ACSL5: variants seen among roughly 807,000 people sequenced by gnomAD.
ACSL5 encodes the protein acyl-CoA synthetase long chain family member 5, also known as long-chain-fatty-acid--CoA ligase 5.
A neutral mutation model predicts 84.9 loss-of-function variants in ACSL5; 50 were observed. The ratio of observed to expected loss-of-function variants is 0.59; its 90% confidence interval spans 0.47 to 0.75. ACSL5 has a LOEUF of 0.75. Ranked by LOEUF, ACSL5 falls within the 30% of genes least tolerant of loss-of-function variation. The probability of loss-of-function intolerance (pLI) is 0.00; values close to 1 mark genes in which losing one functional copy is unlikely to be tolerated. For missense variants in ACSL5, 775 were observed against 830.4 expected (o/e 0.93, Z 0.82); for synonymous variants, 280 against 300.7 (o/e 0.93, Z 0.71).
In ACSL5 at chr10:112,421,592, G is replaced by T; in HGVS notation, c.1315-1G>T. 1 of 1,613,922 alleles carries T rather than the reference G, an allele frequency of 6.2e-7. No homozygotes were observed. Among genetic ancestry groups the T allele is most frequent in the Non-Finnish European group, 8.5e-7 (1 of 1,179,790 alleles). ...CTAAAAGCTCTTCTTTGGTTTCCCA[G>T]GTGTATGAAGCTTATGGTCAAACAG... On this transcript the variant is annotated splice_acceptor_variant, in intron 14 of 20. Transcript: ENST00000354655. LOFTEE classifies it high-confidence loss of function.
chr10:112,389,452 AT>A (rs1289653903), intron 1 of ACSL5, among the ~76,000 whole-genome samples: 1 of 152,190 alleles, frequency 6.6e-6, no homozygotes, highest in Non-Finnish European at 1.5e-5. Context: ...GACATGGGAC[AT>A]CCTGGTGTGT....
intron 1 of ACSL5, among the ~76,000 whole-genome samples, chr10:112,390,864 A>C (rs1223370915): frequency 6.6e-6 from 1 of 152,224 alleles, no homozygotes; most frequent in Non-Finnish European, 1.5e-5. Context: ...AGAATAGATA[A>C]ATCCATAGCA....
At chr10:112,413,720 A>T (rs903083211) in intron 12 of ACSL5, among the ~76,000 whole-genome samples, 8 of 152,130 alleles carry the variant, frequency 5.3e-5, no homozygotes, top group African/African-American at 1.9e-4. Flanking sequence ...GCAAGACTCC[A>T]TCTCAAAAAA....
At chr10:112,424,298 T>G (rs1443518448) in intron 17 of ACSL5, 1 of 152,240 alleles carries the variant, frequency 6.6e-6, no homozygotes. Flanking sequence ...CTCAAAAGTT[T>G]TGTCTTAACT....
intron 17 of ACSL5, 24 bp from the exon 18 acceptor site, chr10:112,425,314 G>T: frequency 6.3e-7 from 1 of 1,584,062 alleles, no homozygotes; most frequent in South Asian, 1.2e-5. Flanking sequence ...CAAAAATACT[G>T]ATACTTTTAT....
At chr10:112,384,270 G>A (rs569683651) in intron 1 of ACSL5, among the ~76,000 whole-genome samples, 92 of 151,330 alleles carry the variant, frequency 6.1e-4, no homozygotes, top group African/African-American at 1.9e-3. Flanking sequence ...TTGTTGTTCC[G>A]TAGTCCTAAG....
chr10:112,423,703 A>T (rs1305597320), intron 17 of ACSL5, among the ~76,000 whole-genome samples: 1 of 152,162 alleles, frequency 6.6e-6, no homozygotes, highest in East Asian at 1.9e-4. Flanking sequence ...CAGAGTTGGC[A>T]TGGGTCCCCT....
chr10:112,407,101 C>A (rs1844057063), intron 5 of ACSL5, among the ~76,000 whole-genome samples: 1 of 152,226 alleles, frequency 6.6e-6, no homozygotes, highest in Non-Finnish European at 1.5e-5. Flanking sequence ...GACTTATTTA[C>A]TATCATGAGA....
chr10:112,398,606 T>C (rs1009038846), intron 2 of ACSL5, among the ~76,000 whole-genome samples: 3 of 152,082 alleles, frequency 2.0e-5, no homozygotes, highest in African/African-American at 7.2e-5. Flanking sequence ...GGTTTCATCC[T>C]GTTGGTCAGG....
intron 14 of ACSL5, among the ~76,000 whole-genome samples, chr10:112,420,309 T>C (rs1844427535): frequency 6.6e-6 from 1 of 152,188 alleles, no homozygotes; most frequent in South Asian, 2.1e-4. Context: ...CCAGTCAAGA[T>C]TATCTTCTAT....
chr10:112,393,497 GAA>G (rs1843684736), intron 1 of ACSL5, among the ~76,000 whole-genome samples: 3 of 152,178 alleles, frequency 2.0e-5, no homozygotes, highest in Admixed American at 1.3e-4. Context: ...AGACTAGAGT[GAA>G]GTGTGTTTCC....
intron 12 of ACSL5, among the ~76,000 whole-genome samples, chr10:112,413,873 T>C (rs529986421): frequency 5.3e-5 from 8 of 152,308 alleles, no homozygotes; most frequent in South Asian, 4.1e-4. Context: ...TCTTGGGAAG[T>C]TGTTCCCTTT....
In ACSL5 at chr10:112,426,917, T is replaced by C. The variant is rs771242930; in HGVS notation, c.1911+58T>C. 385 of 1,377,302 alleles carry C rather than the reference T, an allele frequency of 2.8e-4. 1 individual carries two copies. The highest frequency in any genetic ancestry group is 3.7e-4 in the Non-Finnish European group (361 of 967,634). 85.3% of individuals were successfully genotyped at this position (1,377,302 alleles called of 1,614,324 possible). On this transcript the variant is annotated intron_variant, in intron 20 of 20. Transcript: ENST00000354655. The stretch of plus-strand genomic sequence containing the variant: ...TTGTCAGAAAGTTTTGTTTAAAGTT[T>C]CCATCTAATGAGGTTTAAATGTATA...
intron 1 of ACSL5, chr10:112,376,212 G>A: frequency 6.7e-7 from 1 of 1,493,778 alleles, no homozygotes; most frequent in East Asian, 2.3e-5. Context: ...ACCAGGAAGT[G>A]AAGTCCCCGA....
At position 112,421,952 on chromosome 10, in the gene ACSL5, G is replaced by A. The variant is rs1377340775; in HGVS notation, c.1393G>A (p.Val465Ile). The change falls in exon 16 of 21, where the codon GTT (valine) becomes ATT (isoleucine). Residue 465 changes from valine to isoleucine, a missense_variant. Transcript: ENST00000354655. ...TTCAGCACGGTATGTTCTAGGTCAC[G>A]TTGGGGTGCCCCTGGCTTGCAATTA... ...TLPGDWTSGH[V>I]GVPLACNYVK... 14 of 1,614,216 alleles carry A rather than the reference G, an allele frequency of 8.7e-6. No individual in the cohort carries two copies. The highest frequency in any genetic ancestry group is 2.2e-5 in the East Asian group (1 of 44,880).
intron 12 of ACSL5, among the ~76,000 whole-genome samples, chr10:112,413,703 C>T (rs949687675): frequency 3.3e-5 from 5 of 151,918 alleles, no homozygotes. Context: ...CCAGCCTGGG[C>T]AACAGAGCAA....
Position 112,404,784 on chromosome 10 carries a change from T to C in ACSL5, c.410T>C (p.Ile137Thr), listed in dbSNP as rs1843991975. 1 of 1,613,804 alleles carries C rather than the reference T, an allele frequency of 6.2e-7. No individual in the cohort carries two copies. Among genetic ancestry groups the C allele is most frequent in the Non-Finnish European group, 8.5e-7 (1 of 1,179,894 alleles). The change falls in exon 5 of 21, where the codon ATC (isoleucine) becomes ACC (threonine). Residue 137 changes from isoleucine (I) to threonine (T), a missense_variant. Physicochemically the swap from Ile to Thr is moderately conservative, Grantham distance 89. Coordinates refer to ENST00000354655, the MANE Select transcript of ACSL5 (RefSeq NM_203379.2). ...TCATCACCAGACCAGTTTGTCGGCATCTTTGCTCAGAATAGGCCAGAGGTA... is the reference window on the plus strand; with the variant it reads ...TCATCACCAGACCAGTTTGTCGGCACCTTTGCTCAGAATAGGCCAGAGGTA... ...YKSSPDQFVGIFAQNRPEWII... is the reference protein window; with the variant it reads ...YKSSPDQFVGTFAQNRPEWII...
intron 10 of ACSL5, 124 bp from the exon 11 acceptor site, chr10:112,411,778 A>G: frequency 1.1e-6 from 1 of 948,648 alleles, no homozygotes; most frequent in Non-Finnish European, 1.6e-6. Flanking sequence ...TCAGATCTAC[A>G]CAGTGTACCG....
intron 18 of ACSL5, 90 bp from the exon 19 acceptor site, chr10:112,426,168 C>T: frequency 9.9e-7 from 1 of 1,008,902 alleles, no homozygotes; most frequent in Non-Finnish European, 1.5e-6. Flanking sequence ...ATAACTATTA[C>T]AATGACATAA....
Sources: allele counts gnomAD v4.1 joint callset (sites outside exome capture counted in the v4.1 genomes callset), GRCh38; gene constraint gnomAD v4.1.1; transcripts MANE v1.5; gene names NCBI Gene and HGNC (gene_info 2026-07-23, HGNC 2026-07-21).